The following UBAC2 variants were observed in gnomAD, a reference collection of about 807,000 sequenced individuals.
UBAC2 encodes the protein UBA domain containing 2, also known as ubiquitin-associated domain-containing protein 2.
UBAC2 carries 26 observed loss-of-function variants against 44.0 expected under a neutral mutation model. That is an observed-to-expected ratio of 0.59 (90% confidence interval 0.43 to 0.82). The LOEUF (loss-of-function observed/expected upper bound fraction) is 0.82, where lower values mean the gene tolerates loss of function less well. UBAC2 is among the 40% of genes least tolerant of loss of function. UBAC2 has a pLI of 0.00. For missense variants in UBAC2, 329 were observed against 419.4 expected, an observed-to-expected ratio of 0.78 and a Z score of 1.88; for synonymous variants, 155 against 154.3, an observed-to-expected ratio of 1.00 and a Z score of -0.04.
intron 4 of UBAC2, among the ~76,000 whole-genome samples, chr13:99,310,824 A>G (rs1321630698): frequency 5.3e-5 from 8 of 152,218 alleles, no homozygotes; most frequent in Non-Finnish European, 1.0e-4. Context: ...TAACATCACT[A>G]TTTGTACTTT....
intron 1 of UBAC2, among the ~76,000 whole-genome samples, chr13:99,233,219 T>C (rs560750084): frequency 3.9e-4 from 60 of 151,924 alleles, no homozygotes; most frequent in African/African-American, 1.2e-3. Context: ...TTCAAGTGAT[T>C]CTCCTGCCTC....
At chr13:99,229,712 A>G (rs185833817) in intron 1 of UBAC2, among the ~76,000 whole-genome samples, 211 of 152,312 alleles carry the variant, frequency 1.4e-3, no homozygotes, top group Admixed American at 4.2e-3. Flanking sequence ...GAAAATTTGG[A>G]TTGTTCTGTG....
At chr13:99,304,800 G>T (rs7331703) in intron 4 of UBAC2, among the ~76,000 whole-genome samples, 3,141 of 152,288 alleles carry the variant, frequency 0.021, 105 homozygotes, top group African/African-American at 0.071. Flanking sequence ...GACCCAGGCA[G>T]TTTGGCTTCA....
chr13:99,207,944 T>C (rs2042891945), intron 1 of UBAC2, among the ~76,000 whole-genome samples: 1 of 151,684 alleles, frequency 6.6e-6, no homozygotes, highest in African/African-American at 2.4e-5. Flanking sequence ...ATGCATTCAG[T>C]GTGTGGGAGA....
At position 99,241,050 on chromosome 13, in the gene UBAC2, G is replaced by A. The variant is rs1439567623; in HGVS notation, c.159+2496G>A. 2.6e-5 allele frequency among the ~76,000 whole-genome samples: 4 copies of A among 151,994 alleles called. No homozygotes were observed. In the East Asian group the frequency reaches 7.7e-4, roughly 29 times the overall value. ...CAACGTTTGTGGATGGATTGCTTGA[G>A]CCCAGGAGTTCAAGACCAGCCTGGG... On this transcript the variant is annotated intron_variant, in intron 2 of 8. Transcript: ENST00000403766.
At chr13:99,242,558 C>T (rs2043320912) in intron 2 of UBAC2, among the ~76,000 whole-genome samples, 1 of 138,688 alleles carries the variant, frequency 7.2e-6, no homozygotes, top group Non-Finnish European at 1.6e-5. Context: ...CAGAGGGGCT[C>T]CTCACTTCCC....
At chr13:99,341,466 G>T (rs2390239) in intron 7 of UBAC2, among the ~76,000 whole-genome samples, 19,587 of 151,472 alleles carry the variant, frequency 0.13, 1,508 homozygotes, top group East Asian at 0.32. Flanking sequence ...GTCTACAAGA[G>T]AAATAGAGAA....
Position 99,242,766 on chromosome 13 carries a change from C to T in UBAC2, c.160-1066C>T, listed in dbSNP as rs868633808. On this transcript the variant is annotated intron_variant, in intron 2 of 8. Coordinates refer to ENST00000403766, the MANE Select transcript of UBAC2 (RefSeq NM_001144072.2). ...CCTCTCTCCCGGACGGGGTGGCTGC[C>T]GGGCGGAGACGCTCCTCACTTCCCA... 2.4e-3 allele frequency among the ~76,000 whole-genome samples: 348 copies of T among 144,982 alleles called. 2 individuals carry two copies. Among genetic ancestry groups the T allele is most frequent in the African/African-American group, 7.9e-3 (308 of 38,798 alleles).
Position 99,295,864 on chromosome 13 carries a change from G to A in UBAC2, c.390-18233G>A. 1 of 1,607,476 alleles carries A rather than the reference G, an allele frequency of 6.2e-7. No homozygotes were observed. On this transcript the variant is annotated intron_variant, in intron 4 of 8. Coordinates refer to ENST00000403766, the MANE Select transcript of UBAC2 (RefSeq NM_001144072.2). The surrounding 1 kb of genome is among the most constrained non-coding windows in gnomAD (Gnocchi z 4.1). ...AGGCATCTCCGATTCTCCAGTCAAAGCCCATTGCATAGTAGGCTATTCGTG... is the reference window on the plus strand; with the variant it reads ...AGGCATCTCCGATTCTCCAGTCAAAACCCATTGCATAGTAGGCTATTCGTG...
intron 8 of UBAC2, among the ~76,000 whole-genome samples, chr13:99,370,044 G>T (rs1403943215): frequency 1.3e-5 from 2 of 152,180 alleles, no homozygotes; most frequent in Admixed American, 6.5e-5. Context: ...AATGTCTGAT[G>T]AAAGGCCATT....
chr13:99,384,033 C>T (rs573302256), intron 8 of UBAC2, among the ~76,000 whole-genome samples: 2 of 152,362 alleles, frequency 1.3e-5, no homozygotes, highest in Admixed American at 6.5e-5. Flanking sequence ...TCTGGAGCCA[C>T]ATGCCCAGGC....
rs550244466 is a variant in UBAC2 at position 99,333,037 on chromosome 13, A to G, written c.562-7283A>G. Among the ~76,000 whole-genome samples the G allele has an allele frequency of 6.6e-5, 10 of 152,324 alleles. No homozygotes were observed. In the East Asian group the frequency reaches 1.2e-3, roughly 18 times the overall value. The stretch of plus-strand genomic sequence containing the variant: ...AGCACTTGGGGAGGCCAAGATGGGA[A>G]GATCACTTGAAGCCAGGAGTTTGAG... On this transcript the variant is annotated intron_variant, in intron 6 of 8. Coordinates refer to ENST00000403766, the MANE Select transcript of UBAC2 (RefSeq NM_001144072.2).
At chr13:99,318,770 C>T (rs1566500573) in intron 6 of UBAC2, among the ~76,000 whole-genome samples, 1 of 143,840 alleles carries the variant, frequency 7.0e-6, no homozygotes. Flanking sequence ...TGCAGTGAGC[C>T]GAGGTGGCGC....
At chr13:99,299,904 G>C (rs1278478075) in intron 4 of UBAC2, among the ~76,000 whole-genome samples, 4 of 152,138 alleles carry the variant, frequency 2.6e-5, no homozygotes, top group African/African-American at 9.7e-5. Flanking sequence ...GCCACGCTGG[G>C]CTTAAATGCC....
chr13:99,376,400 A>C (rs1372294242), intron 8 of UBAC2, among the ~76,000 whole-genome samples: 1 of 152,048 alleles, frequency 6.6e-6, no homozygotes, highest in African/African-American at 2.4e-5. Context: ...CACCCTGGAC[A>C]CCTCCAAGAG....
intron 4 of UBAC2, among the ~76,000 whole-genome samples, chr13:99,282,581 ATATT>A (rs199631215): frequency 0.016 from 2,475 of 152,346 alleles, 29 homozygotes; most frequent in Non-Finnish European, 0.024. Flanking sequence ...AGAAATAAAG[ATATT>A]TATAACTGTT....
chr13:99,318,324 C>T (rs575270661), intron 6 of UBAC2, among the ~76,000 whole-genome samples: 26 of 151,886 alleles, frequency 1.7e-4, no homozygotes, highest in African/African-American at 4.8e-4. Flanking sequence ...TGTGCCACCA[C>T]GCCTGGATAA....
intron 8 of UBAC2, among the ~76,000 whole-genome samples, chr13:99,381,427 A>G (rs1382222788): frequency 6.6e-6 from 1 of 152,216 alleles, no homozygotes; most frequent in Non-Finnish European, 1.5e-5. Flanking sequence ...GCTGGGTGCA[A>G]AGAAGCAGCC....
intron 8 of UBAC2, among the ~76,000 whole-genome samples, chr13:99,381,510 A>G (rs1378862718): frequency 6.6e-6 from 1 of 152,210 alleles, no homozygotes; most frequent in East Asian, 1.9e-4. Flanking sequence ...AATAAACGTC[A>G]TTAAGAGTGG....
Sources: allele counts gnomAD v4.1 joint callset (sites outside exome capture counted in the v4.1 genomes callset), GRCh38; gene constraint gnomAD v4.1.1; non-coding constraint Gnocchi (gnomAD v3.1); transcripts MANE v1.5; gene names NCBI Gene and HGNC (gene_info 2026-07-23, HGNC 2026-07-21).